Variants in AJM1 observed in about 807,000 individuals in gnomAD.
The protein encoded by AJM1 is uncharacterized protein C9orf172.
A neutral mutation model predicts 43.0 loss-of-function variants in AJM1; 22 were observed. The observed-to-expected ratio is 0.51, with a 90% confidence interval of 0.37 to 0.73. The LOEUF is 0.73. AJM1 is among the 30% of genes least tolerant of loss of function. AJM1 has a pLI of 0.00. For synonymous variants in AJM1, 719 were observed against 638.3 expected (o/e 1.13, Z -1.91); for missense variants, 1,305 against 1,343.3 (o/e 0.97, Z 0.45).
rs1021481618 is a variant in AJM1 at position 136,843,343 on chromosome 9, C to T, written c.-144+754C>T. Among the ~76,000 whole-genome samples, 3 of 152,332 alleles carry T rather than the reference C, an allele frequency of 2.0e-5. No homozygotes were observed. The East Asian group carries it at 5.8e-4, about 29-fold the overall frequency. ...CATCTGAACCCAGGCCAGCCTGCCG[C>T]GTGGGGGCCTAAGAAATGCAGGTTT... On this transcript the variant is annotated intron_variant, in intron 1 of 2. Coordinates refer to ENST00000436881, the MANE Select transcript of AJM1 (RefSeq NM_001080482.5).
rs1848740487 is a variant in AJM1, at chr9:136,844,558, C to T, written c.144C>T (p.Arg48=). The T allele has an allele frequency of 1.9e-6, 3 of 1,604,034 alleles. No individual in the cohort carries two copies. Among genetic ancestry groups the T allele is most frequent in the East Asian group, 2.2e-5 (1 of 44,482 alleles). ...CTGAGCCCGCGCCTTTCAACAAGCG[C>T]CACTGCCGCAGCTTCGACTTCCTGG... ...RPAEPAPFNK[R]HCRSFDFLEA... is the part of the protein sequence containing the mutation. The change falls in exon 3 of 3, where the codon CGC becomes CGT. Residue 48 remains arginine, a synonymous_variant. Coordinates refer to ENST00000436881, the MANE Select transcript of AJM1 (RefSeq NM_001080482.5).
chr9:136,847,054 C>G lies in AJM1; in HGVS notation c.2640C>G (p.Gly880=). ...CGCTGATCCTGACGCCACCGCCGGGCACGGCGGGCCTGGATCAGGACGGCG... is the reference window on the plus strand; with the variant it reads ...CGCTGATCCTGACGCCACCGCCGGGGACGGCGGGCCTGGATCAGGACGGCG... ...METLILTPPP[G]TAGLDQDGEA... is the part of the protein sequence containing the mutation. The change falls in exon 3 of 3, where the codon GGC becomes GGG. Residue 880 remains glycine (G), a synonymous_variant. Transcript: ENST00000436881. 2 of 1,382,174 alleles carry G rather than the reference C, an allele frequency of 1.4e-6. No homozygotes were observed. The highest frequency in any genetic ancestry group is 9.7e-7 in the Non-Finnish European group (1 of 1,036,242). The allele number at this position is 1,382,174 out of a possible 1,614,324, so 85.6% of individuals were successfully genotyped here. A position where few individuals can be genotyped will look rare whatever the true frequency, so the allele number is the denominator to read the frequency against.
Position 136,847,765 on chromosome 9 carries a change from C to G in AJM1, c.*420C>G, listed in dbSNP as rs929482952. On this transcript the variant is annotated 3_prime_UTR_variant, in exon 3 of 3. Coordinates refer to ENST00000436881, the MANE Select transcript of AJM1 (RefSeq NM_001080482.5). ...AGGGGTCACTACTGCACAGACCCCACCCGTAGAGATCCGGTCCCCGTCGGT... is the reference window on the plus strand; with the variant it reads ...AGGGGTCACTACTGCACAGACCCCAGCCGTAGAGATCCGGTCCCCGTCGGT... 5.8e-6 allele frequency: 1 copy of G among 172,218 alleles called. No individual in the cohort carries two copies. Among genetic ancestry groups the G allele is most frequent in the Admixed American group, 6.3e-5 (1 of 15,784 alleles). 10.7% of individuals were successfully genotyped at this position (172,218 alleles called of 1,614,324 possible). A position where few individuals can be genotyped will look rare whatever the true frequency, so the allele number is the denominator to read the frequency against.
rs779780463 is a variant in AJM1 at position 136,845,179 on chromosome 9, C to T, written c.765C>T (p.Asp255=). ...CGGATCCCCGGGCGTTCTACTGCGA[C>T]GGGCCCCTGCCTGGGCCCCGGGACT... ...YCADPRAFYC[D]GPLPGPRDYA... is the part of the protein sequence containing the mutation. Residue 255 remains aspartate, a synonymous_variant, in exon 3 of 3, where the codon GAC becomes GAT. Transcript: ENST00000436881. The T allele has an allele frequency of 1.3e-6, 2 of 1,587,646 alleles. No homozygotes were observed. Among genetic ancestry groups the T allele is most frequent in the East Asian group, 2.3e-5 (1 of 44,260 alleles).
Position 136,846,513 on chromosome 9 carries a change from G to A in AJM1, c.2099G>A (p.Arg700His), listed in dbSNP as rs1848777254. The change falls in exon 3 of 3, where the codon CGC becomes CAC. Residue 700 changes from arginine to histidine, a missense_variant. This residue lies in a region of AJM1 where 391 missense variants were observed against 507.5 expected (regional missense o/e 0.77). Coordinates refer to ENST00000436881, the MANE Select transcript of AJM1 (RefSeq NM_001080482.5). Reference sequence around the variant, plus strand: ...TACTACTGCTCGCGCCTGTGCCGCCGCGAGGACTGGGACGCCCACAAGGCG... The same window carrying A: ...TACTACTGCTCGCGCCTGTGCCGCCACGAGGACTGGGACGCCCACAAGGCG... ...YTYYCSRLCR[R>H]EDWDAHKARC... 3 of 1,594,490 alleles carry A rather than the reference G, an allele frequency of 1.9e-6. No homozygotes were observed. Among genetic ancestry groups the A allele is most frequent in the Non-Finnish European group, 1.7e-6 (2 of 1,177,982 alleles).
At position 136,846,419 on chromosome 9, in the gene AJM1, C is replaced by T. The variant is rs1442815693; in HGVS notation, c.2005C>T (p.Arg669Cys). 1.9e-6 allele frequency: 3 copies of T among 1,591,254 alleles called. No individual in the cohort carries two copies. The highest frequency in any genetic ancestry group is 1.7e-6 in the Non-Finnish European group (2 of 1,177,026). The change falls in exon 3 of 3, where the codon CGC becomes TGC. Residue 669 changes from arginine (R) to cysteine (C), a missense_variant. Arg to Cys is a radical substitution (Grantham distance 180, BLOSUM62 -3). Coordinates refer to ENST00000436881, the MANE Select transcript of AJM1 (RefSeq NM_001080482.5). Reference sequence around the variant, plus strand: ...CGACCTGATGACCTGCTCCAATGCGCGCTGCCGGCGCACCGAGACCATGTT... The same window carrying T: ...CGACCTGATGACCTGCTCCAATGCGTGCTGCCGGCGCACCGAGACCATGTT... ...EDDLMTCSNA[R>C]CRRTETMFNA...
Position 136,846,418 on chromosome 9 carries a change from G to C in AJM1, c.2004G>C (p.Ala668=). The C allele has an allele frequency of 6.3e-7, 1 of 1,590,394 alleles. No homozygotes were observed. The highest frequency in any genetic ancestry group is 1.1e-5 in the South Asian group (1 of 90,328). Residue 668 remains alanine, a synonymous_variant, in exon 3 of 3, where the codon GCG becomes GCC. Transcript: ENST00000436881. The stretch of plus-strand genomic sequence containing the variant: ...ACGACCTGATGACCTGCTCCAATGC[G>C]CGCTGCCGGCGCACCGAGACCATGT... ...DEDDLMTCSN[A]RCRRTETMFN... is the part of the protein sequence containing the mutation.
rs1848743292 is a variant in AJM1, at chr9:136,844,733, C to G, written c.319C>G (p.Pro107Ala). Residue 107 changes from proline to alanine, a missense_variant, in exon 3 of 3, where the codon CCC becomes GCC. Coordinates refer to ENST00000436881, the MANE Select transcript of AJM1 (RefSeq NM_001080482.5). ...PRAPPGLTPA[P>A]ASPPVLPRRG... ...CGCGCCCCCGGGCCTGACGCCCGCG[C>G]CCGCCTCGCCGCCGGTGTTGCCCCG... is the stretch of plus-strand genomic sequence containing the variant. 3.1e-6 allele frequency: 2 copies of G among 647,630 alleles called. No homozygotes were observed. Among genetic ancestry groups the G allele is most frequent in the Non-Finnish European group, 3.9e-6 (2 of 508,038 alleles). 40.1% of individuals were successfully genotyped at this position (647,630 alleles called of 1,614,324 possible). A position where few individuals can be genotyped will look rare whatever the true frequency, so the allele number is the denominator to read the frequency against.
Position 136,847,358 on chromosome 9 carries a change from A to C in AJM1, c.*13A>C, listed in dbSNP as rs777085273. On this transcript the variant is annotated 3_prime_UTR_variant, in exon 3 of 3. Coordinates refer to ENST00000436881, the MANE Select transcript of AJM1 (RefSeq NM_001080482.5). ...CGACATCATGTGAGGCGCCGGGCCC[A>C]CCAGGCCTAGCCCAGGCGCTGGCCC... 1 of 1,497,136 alleles carries C rather than the reference A, an allele frequency of 6.7e-7. No individual in the cohort carries two copies. Among genetic ancestry groups the C allele is most frequent in the East Asian group, 2.6e-5 (1 of 38,076 alleles). 92.7% of individuals were successfully genotyped at this position (1,497,136 alleles called of 1,614,324 possible).
chr9:136,844,957 C>T lies in AJM1; in HGVS notation c.543C>T (p.Ala181=), dbSNP rs1232269577. The change falls in exon 3 of 3, where the codon GCC becomes GCT. Residue 181 remains alanine (A), a synonymous_variant. Coordinates refer to ENST00000436881, the MANE Select transcript of AJM1 (RefSeq NM_001080482.5). ...CAPPEPPAGP[A]PHVRCRLDIK... is the part of the protein sequence containing the mutation. ...CGCCCGAGCCACCCGCGGGTCCCGC[C>T]CCCCACGTGCGCTGCCGCCTGGACA... is the stretch of plus-strand genomic sequence containing the variant. The T allele has an allele frequency of 1.8e-5, 9 of 490,172 alleles. No homozygotes were observed. Among genetic ancestry groups the T allele is most frequent in the Non-Finnish European group, 3.2e-5 (9 of 283,672 alleles). The allele number at this position is 490,172 out of a possible 1,614,324, so 30.4% of individuals were successfully genotyped here. A position where few individuals can be genotyped will look rare whatever the true frequency, so the allele number is the denominator to read the frequency against.
Position 136,845,051 on chromosome 9 carries a change from G to T in AJM1, c.637G>T (p.Ala213Ser). The T allele has an allele frequency of 1.2e-6, 1 of 868,646 alleles. No individual in the cohort carries two copies. The highest frequency in any genetic ancestry group is 1.5e-5 in the South Asian group (1 of 66,946). 53.8% of individuals were successfully genotyped at this position (868,646 alleles called of 1,614,324 possible). A position where few individuals can be genotyped will look rare whatever the true frequency, so the allele number is the denominator to read the frequency against. Residue 213 changes from alanine (A) to serine (S), a missense_variant, in exon 3 of 3, where the codon GCG (alanine) becomes TCG (serine). Coordinates refer to ENST00000436881, the MANE Select transcript of AJM1 (RefSeq NM_001080482.5). ...GSRSCGPTEA[A>S]HWARPAPQFH... ...GCGGTCCTGCGGGCCCACCGAGGCC[G>T]CGCACTGGGCCCGCCCCGCCCCGCA...
chr9:136,845,503 G>A lies in AJM1; in HGVS notation c.1089G>A (p.Glu363=). The A allele has an allele frequency of 6.2e-7, 1 of 1,601,966 alleles. No individual in the cohort carries two copies. The highest frequency in any genetic ancestry group is 1.1e-5 in the South Asian group (1 of 89,660). The change falls in exon 3 of 3, where the codon GAG becomes GAA. Residue 363 remains glutamate (E), a synonymous_variant. Transcript: ENST00000436881. ...CCTACGGGCCCCGCTATGTCCCCGA[G>A]GAGCCCCGGGCCCACTCCACCGCCC... is the stretch of plus-strand genomic sequence containing the variant. ...GLPYGPRYVP[E]EPRAHSTARP... is the part of the protein sequence containing the mutation.
chr9:136,847,568 C>T lies in AJM1; in HGVS notation c.*223C>T, dbSNP rs866959204. ...CCCGGCCCTTCGTCCCCGTAGTGTT[C>T]CTCACAGGCCCTTCGCCTTCCCACC... is the stretch of plus-strand genomic sequence containing the variant. On this transcript the variant is annotated 3_prime_UTR_variant, in exon 3 of 3. Coordinates refer to ENST00000436881, the MANE Select transcript of AJM1 (RefSeq NM_001080482.5). The T allele has an allele frequency of 3.0e-5, 13 of 428,610 alleles. No homozygotes were observed. Among genetic ancestry groups the T allele is most frequent in the Middle Eastern group, 5.8e-4 (1 of 1,716 alleles). 26.6% of individuals were successfully genotyped at this position (428,610 alleles called of 1,614,324 possible).
chr9:136,845,021 G>T lies in AJM1; in HGVS notation c.607G>T (p.Gly203Cys). The T allele has an allele frequency of 1.4e-6, 1 of 690,402 alleles. No individual in the cohort carries two copies. Among genetic ancestry groups the T allele is most frequent in the Non-Finnish European group, 2.4e-6 (1 of 408,176 alleles). The allele number at this position is 690,402 out of a possible 1,614,324, so 42.8% of individuals were successfully genotyped here. A position where few individuals can be genotyped will look rare whatever the true frequency, so the allele number is the denominator to read the frequency against. Residue 203 changes from glycine (G) to cysteine (C), a missense_variant, in exon 3 of 3, where the codon GGC becomes TGC. By Grantham distance (159) the Gly-to-Cys change is radical. Around this residue, in one of 6 missense-constraint regions of AJM1, gnomAD observed 653 missense variants for 549.1 expected, o/e 1.19. Transcript: ENST00000436881. ...CGCAGTGCTCCAGCACGCCACCCGG[G>T]GCTCGCGGTCCTGCGGGCCCACCGA... Reference protein sequence around the residue: ...DDAVLQHATRGSRSCGPTEAA... With the variant: ...DDAVLQHATRCSRSCGPTEAA...
At position 136,844,614 on chromosome 9, in the gene AJM1, T is replaced by C. The variant is rs953107363; in HGVS notation, c.200T>C (p.Leu67Pro). ...CTGGACGGGCCGGCCATGGAGACCC[T>C]GCCGGAGCCACCGCCGCCGGAGTCC... ...EALDGPAMET[L>P]PEPPPPESAV... Residue 67 changes from leucine (L) to proline (P), a missense_variant, in exon 3 of 3, where the codon CTG becomes CCG. Coordinates refer to ENST00000436881, the MANE Select transcript of AJM1 (RefSeq NM_001080482.5). 5 of 1,563,226 alleles carry C rather than the reference T, an allele frequency of 3.2e-6. No homozygotes were observed. The African/African-American group carries it at 6.8e-5, about 21-fold the overall frequency.
rs1419713814 is a variant in AJM1, at chr9:136,845,490, G to A, written c.1076G>A (p.Arg359His). 1 of 1,605,040 alleles carries A rather than the reference G, an allele frequency of 6.2e-7. No individual in the cohort carries two copies. Residue 359 changes from arginine to histidine, a missense_variant, in exon 3 of 3, where the codon CGC (arginine) becomes CAC (histidine). Arg to His is a conservative substitution (Grantham distance 29). Around this residue, in one of 6 missense-constraint regions of AJM1, gnomAD observed 653 missense variants for 549.1 expected, o/e 1.19. Coordinates refer to ENST00000436881, the MANE Select transcript of AJM1 (RefSeq NM_001080482.5). ...PRAYGLPYGP[R>H]YVPEEPRAHS... ...GCCTACGGCCTGCCCTACGGGCCCCGCTATGTCCCCGAGGAGCCCCGGGCC... is the reference window on the plus strand; with the variant it reads ...GCCTACGGCCTGCCCTACGGGCCCCACTATGTCCCCGAGGAGCCCCGGGCC...
Position 136,845,700 on chromosome 9 carries a change from G to A in AJM1, c.1286G>A (p.Gly429Asp), listed in dbSNP as rs1171472727. ...DPDPLLASWH[G>D]GTGTSPPRLA... Reference sequence around the variant, plus strand: ...GACCCGTTGCTCGCCTCCTGGCACGGCGGCACCGGCACCAGTCCGCCCCGG... The same window carrying A: ...GACCCGTTGCTCGCCTCCTGGCACGACGGCACCGGCACCAGTCCGCCCCGG... The change falls in exon 3 of 3, where the codon GGC becomes GAC. Residue 429 changes from glycine to aspartate, a missense_variant. Gly to Asp is a moderately conservative substitution (Grantham distance 94). Coordinates refer to ENST00000436881, the MANE Select transcript of AJM1 (RefSeq NM_001080482.5). The A allele has an allele frequency of 6.4e-7, 1 of 1,570,266 alleles. No individual in the cohort carries two copies. Among genetic ancestry groups the A allele is most frequent in the Non-Finnish European group, 8.6e-7 (1 of 1,166,850 alleles).
chr9:136,847,245 G>C lies in AJM1; in HGVS notation c.2831G>C (p.Arg944Pro), dbSNP rs898092588. The C allele has an allele frequency of 8.1e-6, 13 of 1,602,702 alleles. No individual in the cohort carries two copies. Among genetic ancestry groups the C allele is most frequent in the Non-Finnish European group, 9.3e-6 (11 of 1,177,836 alleles). ...CCCACCACCATCTACCCCACGGACC[G>C]GCGCACCGGCCGCCCCTTCATGTGC... ...FTPTTIYPTDRRTGRPFMCMI... is the reference protein window; with the variant it reads ...FTPTTIYPTDPRTGRPFMCMI... The change falls in exon 3 of 3, where the codon CGG (arginine) becomes CCG (proline). Residue 944 changes from arginine to proline, a missense_variant. This residue lies in a region of AJM1 where 116 missense variants were observed against 113.4 expected (regional missense o/e 1.02). Transcript: ENST00000436881.
In AJM1 at chr9:136,846,103, C is replaced by A; in HGVS notation, c.1689C>A (p.His563Gln). Residue 563 changes from histidine to glutamine, a missense_variant, in exon 3 of 3, where the codon CAC (histidine) becomes CAA (glutamine). By Grantham distance (24) the His-to-Gln change is conservative. Coordinates refer to ENST00000436881, the MANE Select transcript of AJM1 (RefSeq NM_001080482.5). Reference protein sequence around the residue: ...LPGGRTRPPPHAAPDGPTSGR... With the variant: ...LPGGRTRPPPQAAPDGPTSGR... ...GGGGCCGCACGCGGCCACCTCCCCA[C>A]GCGGCCCCCGACGGCCCCACCTCTG... 2.0e-6 allele frequency: 3 copies of A among 1,528,900 alleles called. No individual in the cohort carries two copies. Among genetic ancestry groups the A allele is most frequent in the Non-Finnish European group, 1.8e-6 (2 of 1,142,562 alleles). 94.7% of individuals were successfully genotyped at this position (1,528,900 alleles called of 1,614,324 possible).
Sources: allele counts gnomAD v4.1 joint callset (sites outside exome capture counted in the v4.1 genomes callset), GRCh38; gene constraint gnomAD v4.1.1; regional missense constraint gnomAD v4.1.1; transcripts MANE v1.5; gene names NCBI Gene and HGNC (gene_info 2026-07-23, HGNC 2026-07-21).